Variants in PDE4B observed in about 807,000 individuals in gnomAD.
PDE4B encodes 3',5'-cyclic-AMP phosphodiesterase 4B.
Under a neutral mutation model 82.2 loss-of-function variants are expected in PDE4B, and 20 were observed. The observed-to-expected ratio is 0.24, with a 90% CI of 0.17 to 0.35. PDE4B has a LOEUF of 0.35. PDE4B is among the 10% of genes least tolerant of loss of function. The pLI is 1.00. For missense variants in PDE4B, 655 were observed against 907.2 expected (o/e 0.72, Z 3.57); for synonymous variants, 320 against 318.9 (o/e 1.00, Z -0.04).
At chr1:66,274,745 T>A (rs917245411) in intron 7 of PDE4B, among the ~76,000 whole-genome samples, 1 of 152,156 alleles carries the variant, frequency 6.6e-6, no homozygotes, top group African/African-American at 2.4e-5. Flanking sequence ...GTGTTAGTAT[T>A]GGTGTTATTA....
intron 3 of PDE4B, among the ~76,000 whole-genome samples, chr1:66,174,416 C>T (rs1286855569): frequency 1.3e-5 from 2 of 152,104 alleles, no homozygotes; most frequent in East Asian, 1.9e-4. Context: ...ATGGGCTTAA[C>T]CTAAAACAGT....
chr1:66,037,428 G>A (rs1463723360), intron 3 of PDE4B, among the ~76,000 whole-genome samples: 10 of 152,086 alleles, frequency 6.6e-5, no homozygotes, highest in Admixed American at 3.3e-4. Flanking sequence ...TGCTGTTAGT[G>A]TGTAGACATA....
In PDE4B at chr1:66,090,500, T is replaced by A. The variant is rs77718390; in HGVS notation, c.282-156960T>A. ...TTGGATGGTTCAGCAGCTTGACCAA[T>A]TTTGGGACATTCCTTTGTTCTTATA... On this transcript the variant is annotated intron_variant, in intron 3 of 16. Coordinates refer to ENST00000341517, the MANE Select transcript of PDE4B (RefSeq NM_002600.4). 9.7e-3 allele frequency among the ~76,000 whole-genome samples: 1,471 copies of A among 151,360 alleles called. 33 individuals carry two copies. Among genetic ancestry groups the A allele is most frequent in the African/African-American group, 0.034 (1,404 of 41,150 alleles).
chr1:66,141,990 G>A lies in PDE4B; in HGVS notation c.282-105470G>A, dbSNP rs116053704. Among the ~76,000 whole-genome samples the A allele has an allele frequency of 7.6e-3, 1,149 of 152,124 alleles. 17 individuals carry two copies. The highest frequency in any genetic ancestry group is 0.026 in the African/African-American group (1,081 of 41,502). On this transcript the variant is annotated intron_variant, in intron 3 of 16. Coordinates refer to ENST00000341517, the MANE Select transcript of PDE4B (RefSeq NM_002600.4). ...TAGCCTACTGTTGCTCAGAAGCCTC[G>A]CAGGTAACATACTCAATTAACACAT...
At chr1:66,005,298 T>G (rs200385449) in intron 3 of PDE4B, among the ~76,000 whole-genome samples, 1 of 5,396 alleles carries the variant, frequency 1.9e-4, no homozygotes, top group Non-Finnish European at 0.011. Flanking sequence ...ATATCACTTT[T>G]AGCTTCCTGC....
At chr1:65,977,493 T>G (rs1424652470) in intron 3 of PDE4B, among the ~76,000 whole-genome samples, 1 of 152,244 alleles carries the variant, frequency 6.6e-6, no homozygotes, top group Non-Finnish European at 1.5e-5. Context: ...ATGGAATTAC[T>G]TGAAGCATTA....
intron 3 of PDE4B, among the ~76,000 whole-genome samples, chr1:66,031,522 T>C (rs567757996): frequency 3.0e-4 from 46 of 152,204 alleles, no homozygotes; most frequent in Non-Finnish European, 1.2e-4. Context: ...TGGGTTTGGG[T>C]TTTTTCCCTA....
chr1:66,191,464 T>C (rs550625185), intron 3 of PDE4B, among the ~76,000 whole-genome samples: 1 of 152,336 alleles, frequency 6.6e-6, no homozygotes, highest in Admixed American at 6.5e-5. Flanking sequence ...CATTTTACAA[T>C]GTATATTTAA....
chr1:65,954,900 A>G lies in PDE4B; in HGVS notation c.281+36065A>G, dbSNP rs574400328. Among the ~76,000 whole-genome samples, 12 of 152,238 alleles carry G rather than the reference A, an allele frequency of 7.9e-5. No individual in the cohort carries two copies. In the South Asian group the frequency reaches 2.1e-3, roughly 26 times the overall value. ...TTCAATTTAGAAAAAAGTGTTCAAAATATTTGCAAAGACTTTGTATTTTTT... is the reference window on the plus strand; with the variant it reads ...TTCAATTTAGAAAAAAGTGTTCAAAGTATTTGCAAAGACTTTGTATTTTTT... On this transcript the variant is annotated intron_variant, in intron 3 of 16. Coordinates refer to ENST00000341517, the MANE Select transcript of PDE4B (RefSeq NM_002600.4).
At chr1:65,999,140 C>T (rs994957571) in intron 3 of PDE4B, among the ~76,000 whole-genome samples, 3 of 152,196 alleles carry the variant, frequency 2.0e-5, no homozygotes, top group African/African-American at 7.2e-5. Flanking sequence ...TGCCAGCTGC[C>T]TTTCTGCTAA....
chr1:66,012,934 A>G (rs753277607), intron 3 of PDE4B, among the ~76,000 whole-genome samples: 2 of 152,122 alleles, frequency 1.3e-5, no homozygotes, highest in African/African-American at 2.4e-5. Context: ...CAGTAACTTT[A>G]TGAATACGGT....
intron 7 of PDE4B, among the ~76,000 whole-genome samples, chr1:66,304,183 C>A (rs186262396): frequency 6.6e-6 from 1 of 152,172 alleles, no homozygotes; most frequent in African/African-American, 2.4e-5. Context: ...TCAGTGAGGT[C>A]ATTTCTGCAA....
At chr1:66,018,936 T>C (rs541299149) in intron 3 of PDE4B, among the ~76,000 whole-genome samples, 1 of 152,338 alleles carries the variant, frequency 6.6e-6, no homozygotes, top group Non-Finnish European at 1.5e-5. Flanking sequence ...TTATATTTTA[T>C]AATGATAAAA....
chr1:65,937,694 G>A (rs754231788), intron 3 of PDE4B, among the ~76,000 whole-genome samples: 7 of 152,152 alleles, frequency 4.6e-5, no homozygotes, highest in African/African-American at 1.2e-4. Context: ...TGTGATTGCC[G>A]TCTTAGGTAT....
At chr1:65,962,628 A>G (rs1024161639) in intron 3 of PDE4B, among the ~76,000 whole-genome samples, 1 of 152,176 alleles carries the variant, frequency 6.6e-6, no homozygotes, top group East Asian at 1.9e-4. Flanking sequence ...CTGATTAGGA[A>G]GCTATCTACA....
intron 3 of PDE4B, among the ~76,000 whole-genome samples, chr1:66,001,801 C>T (rs1439249507): frequency 6.6e-6 from 1 of 152,158 alleles, no homozygotes; most frequent in Non-Finnish European, 1.5e-5. Flanking sequence ...TGGCTTACTG[C>T]AACCTCTGCC....
chr1:66,244,942 G>T (rs1653189527), intron 3 of PDE4B, among the ~76,000 whole-genome samples: 1 of 152,134 alleles, frequency 6.6e-6, no homozygotes, highest in African/African-American at 2.4e-5. Context: ...TAAGGGTAAT[G>T]CTTTGTGGAC....
intron 8 of PDE4B, among the ~76,000 whole-genome samples, chr1:66,342,548 T>TAA (rs374881888): frequency 1.0e-5 from 1 of 96,536 alleles, no homozygotes; most frequent in Non-Finnish European, 2.3e-5. Flanking sequence ...TGTCTCTAAT[T>TAA]AAAAAAAAAA....
chr1:66,119,531 T>C (rs1645667354), intron 3 of PDE4B, among the ~76,000 whole-genome samples: 1 of 152,114 alleles, frequency 6.6e-6, no homozygotes, highest in South Asian at 2.1e-4. Context: ...TAAACCAAAA[T>C]ACAAAAGCAG....
Sources: gnomAD v4.1 joint callset for allele counts (sites outside exome capture counted in the v4.1 genomes callset) on GRCh38, gnomAD v4.1.1 for gene constraint, MANE v1.5 for transcripts, NCBI Gene and HGNC (gene_info 2026-07-23, HGNC 2026-07-21) for gene names.